The following SLIT3 variants were observed in gnomAD, a reference collection of about 807,000 sequenced individuals.
The protein encoded by SLIT3 is slit homolog 3 protein.
A neutral mutation model predicts 184.0 loss-of-function variants in SLIT3; 68 were observed. The ratio of observed to expected loss-of-function variants is 0.37; its 90% CI spans 0.30 to 0.45. The LOEUF (loss-of-function observed/expected upper bound fraction) is 0.45, where lower values mean the gene tolerates loss of function less well. Ranked by LOEUF, SLIT3 falls within the 20% of genes least tolerant of loss-of-function variation. The probability of loss-of-function intolerance (pLI) is 1.00; values close to 1 mark genes in which losing one functional copy is unlikely to be tolerated. For missense variants in SLIT3, 1,707 were observed against 2,026.0 expected (o/e 0.84, Z 3.02); for synonymous variants, 831 against 828.6 (o/e 1.00, Z -0.05).
chr5:168,797,267 A>T (rs375001334), intron 9 of SLIT3, among the ~76,000 whole-genome samples: 1 of 152,068 alleles, frequency 6.6e-6, no homozygotes, highest in Admixed American at 6.5e-5. Context: ...TTCAGCAGAG[A>T]TTTCTTAGCC....
At chr5:169,294,562 T>C (rs954210274) in intron 1 of SLIT3, among the ~76,000 whole-genome samples, 1 of 152,180 alleles carries the variant, frequency 6.6e-6, no homozygotes, top group Non-Finnish European at 1.5e-5. Flanking sequence ...AAGTTTAGGA[T>C]GGGCGTCTCA....
chr5:168,684,286 G>A (rs1761680123), intron 31 of SLIT3, among the ~76,000 whole-genome samples, 190 bp from the exon 32 acceptor site: 1 of 152,084 alleles, frequency 6.6e-6, no homozygotes. Context: ...ACCTCAGCAA[G>A]TGCTGACTGA....
At chr5:169,200,102 C>T (rs1217628472) in intron 3 of SLIT3, among the ~76,000 whole-genome samples, 1 of 152,208 alleles carries the variant, frequency 6.6e-6, no homozygotes, top group Non-Finnish European at 1.5e-5. Context: ...TCAGAGGTAT[C>T]AACCTCACTG....
intron 4 of SLIT3, among the ~76,000 whole-genome samples, chr5:169,114,127 G>A (rs972121200): frequency 6.6e-6 from 1 of 152,128 alleles, no homozygotes; most frequent in Non-Finnish European, 1.5e-5. Context: ...AGCTGGGCTG[G>A]GACCATGTGA....
chr5:168,694,193 C>T (rs1332477854), intron 28 of SLIT3, among the ~76,000 whole-genome samples: 1 of 152,138 alleles, frequency 6.6e-6, no homozygotes, highest in African/African-American at 2.4e-5. Flanking sequence ...TCATCAATGC[C>T]TCCTCAGTAC....
intron 4 of SLIT3, among the ~76,000 whole-genome samples, chr5:168,934,603 C>T (rs1447288062): frequency 1.3e-5 from 2 of 152,052 alleles, no homozygotes; most frequent in African/African-American, 2.4e-5. Context: ...CAGCAGCCTT[C>T]CTACTAGAAC....
chr5:168,686,315 T>C (rs898367247), intron 30 of SLIT3, among the ~76,000 whole-genome samples: 1 of 152,192 alleles, frequency 6.6e-6, no homozygotes, highest in Admixed American at 6.5e-5. Flanking sequence ...TGGGGGTGAT[T>C]TCTTAAAAGA....
intron 4 of SLIT3, among the ~76,000 whole-genome samples, chr5:169,191,422 T>G (rs59902040): frequency 0.026 from 3,954 of 152,272 alleles, 86 homozygotes; most frequent in South Asian, 0.051. Flanking sequence ...TTGCAACTCC[T>G]AGTCTCTTCA....
intron 5 of SLIT3, among the ~76,000 whole-genome samples, chr5:168,860,757 C>A (rs1759073546): frequency 6.6e-6 from 1 of 152,194 alleles, no homozygotes; most frequent in African/African-American, 2.4e-5. Flanking sequence ...CCCTTATGCC[C>A]CAAGGCCCAT....
At chr5:169,073,866 C>T (rs917705564) in intron 4 of SLIT3, among the ~76,000 whole-genome samples, 3 of 152,144 alleles carry the variant, frequency 2.0e-5, no homozygotes, top group Admixed American at 2.0e-4. Context: ...CAAAAATAAA[C>T]CTCTTTTATT....
At chr5:168,931,812 G>A (rs1484233664) in intron 4 of SLIT3, among the ~76,000 whole-genome samples, 1 of 152,210 alleles carries the variant, frequency 6.6e-6, no homozygotes, top group East Asian at 1.9e-4. Flanking sequence ...AACTGCCCGT[G>A]ATATTCTGTC....
At chr5:168,850,433 A>G (rs1242025205) in intron 5 of SLIT3, among the ~76,000 whole-genome samples, 11 of 152,260 alleles carry the variant, frequency 7.2e-5, no homozygotes, top group African/African-American at 1.2e-4. Flanking sequence ...TTTTTCCTAC[A>G]TATGTAGTTA....
intron 5 of SLIT3, among the ~76,000 whole-genome samples, chr5:168,876,669 T>C (rs1759743930): frequency 6.6e-6 from 1 of 152,210 alleles, no homozygotes. Flanking sequence ...ATGAGACCTG[T>C]CTCCCTGGGC....
chr5:168,789,261 G>A lies in SLIT3; in HGVS notation c.1079+299C>T, dbSNP rs532662479. 2.0e-5 allele frequency among the ~76,000 whole-genome samples: 3 copies of A among 149,758 alleles called. No individual in the cohort carries two copies. In the East Asian group the frequency reaches 6.0e-4, roughly 30 times the overall value. On this transcript the variant is annotated intron_variant, in intron 11 of 35. Transcript: ENST00000519560. ...GCTGCGGTGGCATGTGGGGTGGGAG[G>A]GGGACGTGGGGTGGGAGGGGGACGT... is the stretch of plus-strand genomic sequence containing the variant.
At chr5:168,897,647 T>TGCATACACACACACACAC (rs3223457) in intron 4 of SLIT3, among the ~76,000 whole-genome samples, 1 of 141,414 alleles carries the variant, frequency 7.1e-6, no homozygotes, top group Non-Finnish European at 1.5e-5. Context: ...CAGGTGCACG[T>TGCATACACACACACACAC]ACACACACAC....
intron 4 of SLIT3, among the ~76,000 whole-genome samples, chr5:169,042,401 A>G (rs1757474608): frequency 6.6e-6 from 1 of 152,212 alleles, no homozygotes; most frequent in Admixed American, 6.5e-5. Context: ...CTTTGGACTG[A>G]CCAACTAATT....
chr5:168,752,501 T>G (rs1336402635), intron 18 of SLIT3: 2 of 155,314 alleles, frequency 1.3e-5, no homozygotes, highest in African/African-American at 4.9e-5. Flanking sequence ...TTCCAGCAAC[T>G]GTCCTGCCTC....
At chr5:168,857,393 GTT>G (rs1228209657) in intron 5 of SLIT3, among the ~76,000 whole-genome samples, 1 of 151,956 alleles carries the variant, frequency 6.6e-6, no homozygotes, top group Admixed American at 6.6e-5. Flanking sequence ...GTTTTGTTTT[GTT>G]TTGTTTTGTT....
At chr5:168,729,189 G>C (rs1250148273) in intron 20 of SLIT3, among the ~76,000 whole-genome samples, 1 of 151,960 alleles carries the variant, frequency 6.6e-6, no homozygotes, top group Admixed American at 6.6e-5. Flanking sequence ...TACCAAGGGG[G>C]AAAAGAGATC....
Sources: gnomAD v4.1 joint callset for allele counts (sites outside exome capture counted in the v4.1 genomes callset) on GRCh38, gnomAD v4.1.1 for gene constraint, MANE v1.5 for transcripts, NCBI Gene and HGNC (gene_info 2026-07-23, HGNC 2026-07-21) for gene names.